Variants in ICE2 observed in about 807,000 individuals in gnomAD.
ICE2 encodes the protein interactor of little elongation complex ELL subunit 2.
ICE2 carries 87 observed loss-of-function variants against 105.4 expected under a neutral mutation model. The observed-to-expected ratio is 0.83, with a 90% CI of 0.69 to 0.99. The LOEUF (loss-of-function observed/expected upper bound fraction) is 0.99, where lower values mean the gene tolerates loss of function less well. Among genes scored for constraint, ICE2 ranks in the 50% least tolerant of loss-of-function variants. The pLI, the probability that ICE2 is intolerant of heterozygous loss-of-function variation, is 0.00. For synonymous variants in ICE2, 399 were observed against 392.0 expected, an observed-to-expected ratio of 1.02 and a Z score of -0.21; for missense variants, 1,323 against 1,146.7, an observed-to-expected ratio of 1.15 and a Z score of -2.22.
intron 9 of ICE2, chr15:60,452,878 G>T: frequency 4.1e-6 from 4 of 985,318 alleles, no homozygotes; most frequent in Non-Finnish European, 4.8e-6. Flanking sequence ...TAACAATCTG[G>T]CAAAATACTT....
chr15:60,452,961 T>C (rs2064000497), intron 9 of ICE2: 1 of 985,286 alleles, frequency 1.0e-6, no homozygotes, highest in East Asian at 1.1e-4. Context: ...TCAGGTGCAG[T>C]GGCTGACGCC....
At chr15:60,433,413 G>T (rs1894127989) in intron 13 of ICE2, among the ~76,000 whole-genome samples, 1 of 151,760 alleles carries the variant, frequency 6.6e-6, no homozygotes, top group South Asian at 2.1e-4. Context: ...AATTTCTTTA[G>T]TAGTTCTTCT....
chr15:60,436,151 T>C lies in ICE2; in HGVS notation c.2502A>G (p.Ser834=). 1 of 1,426,882 alleles carries C rather than the reference T, an allele frequency of 7.0e-7. No homozygotes were observed. The allele number at this position is 1,426,882 out of a possible 1,614,324, so 88.4% of individuals were successfully genotyped here. A position where few individuals can be genotyped will look rare whatever the true frequency, so the allele number is the denominator to read the frequency against. Residue 834 remains serine (S), a synonymous_variant, in exon 13 of 16, where the codon TCA becomes TCG. Coordinates refer to ENST00000261520, the MANE Select transcript of ICE2 (RefSeq NM_024611.6). Reference sequence around the variant, plus strand: ...AAAGTAAACTTTCTTACTTGAGTGCTGAAAGCTTTTCTTTTAATTCTTCTG... The same window carrying C: ...AAAGTAAACTTTCTTACTTGAGTGCCGAAAGCTTTTCTTTTAATTCTTCTG... The part of the protein sequence containing the change: ...ITSEELKEKL[S]ALKISNLFNI...
At chr15:60,473,913 G>A (rs1021247808) in intron 3 of ICE2, among the ~76,000 whole-genome samples, 5 of 151,964 alleles carry the variant, frequency 3.3e-5, no homozygotes, top group African/African-American at 1.2e-4. Flanking sequence ...TTAAAAAATT[G>A]TCTCTTTTTT....
chr15:60,451,328 A>C (rs191450438), intron 9 of ICE2: 1 of 889,634 alleles, frequency 1.1e-6, no homozygotes, highest in Admixed American at 6.2e-5. Flanking sequence ...CATTTCAAAA[A>C]ATGAACTATA....
intron 11 of ICE2, among the ~76,000 whole-genome samples, chr15:60,445,243 G>A (rs2063798115): frequency 6.6e-6 from 1 of 152,084 alleles, no homozygotes; most frequent in South Asian, 2.1e-4. Flanking sequence ...TACTAATGGG[G>A]GATGTAATTT....
At position 60,422,185 on chromosome 15, in the gene ICE2, T is replaced by C. The variant is rs968819356; in HGVS notation, c.*1449A>G. 9 of 151,658 alleles carry C rather than the reference T, an allele frequency of 5.9e-5. No individual in the cohort carries two copies. The highest frequency in any genetic ancestry group is 2.2e-4 in the African/African-American group (9 of 41,264). The allele number at this position is 151,658 out of a possible 1,614,324, so 9.4% of individuals were successfully genotyped here. On this transcript the variant is annotated 3_prime_UTR_variant, in exon 16 of 16. Transcript: ENST00000261520. ...GTCACACTCTGATACTCAAGCTGAG[T>C]TCTGTGGTGCGATCACAACTCACTG...
At position 60,436,241 on chromosome 15, in the gene ICE2, T is replaced by C. The variant is rs2063583859; in HGVS notation, c.2426-14A>G. On this transcript the variant is annotated splice_polypyrimidine_tract_variant and intron_variant, in intron 12 of 15. Transcript: ENST00000261520. ...CATCGATATGCCCTAAAATAAAATA[T>C]CAAACTTAGAAAGAAGAAGCAATTG... The C allele has an allele frequency of 4.6e-6, 5 of 1,096,126 alleles. No individual in the cohort carries two copies. Among genetic ancestry groups the C allele is most frequent in the Non-Finnish European group, 6.4e-6 (5 of 784,032 alleles). 67.9% of individuals were successfully genotyped at this position (1,096,126 alleles called of 1,614,324 possible). A position where few individuals can be genotyped will look rare whatever the true frequency, so the allele number is the denominator to read the frequency against.
chr15:60,459,176 C>A (rs1249138443), intron 5 of ICE2, among the ~76,000 whole-genome samples: 1 of 152,104 alleles, frequency 6.6e-6, no homozygotes, highest in Non-Finnish European at 1.5e-5. Context: ...TTCTCCAGAA[C>A]TAATGGAGGC....
At chr15:60,466,492 C>T in intron 5 of ICE2, 102 bp downstream of exon 5, 1 of 1,353,288 alleles carries the variant, frequency 7.4e-7, no homozygotes. Flanking sequence ...AAATTGGTAA[C>T]ACTGACAGTT....
intron 8 of ICE2, 97 bp downstream of exon 8, chr15:60,454,906 C>A: frequency 9.0e-7 from 1 of 1,110,660 alleles, no homozygotes; most frequent in South Asian, 1.7e-5. Flanking sequence ...CTCTCTGGGT[C>A]CATGTGTTCT....
chr15:60,461,704 T>C (rs1331970439), intron 5 of ICE2, among the ~76,000 whole-genome samples: 1 of 152,178 alleles, frequency 6.6e-6, no homozygotes, highest in Non-Finnish European at 1.5e-5. Context: ...ATATGAGGTA[T>C]TTTTCCTTTA....
intron 12 of ICE2, chr15:60,442,137 C>T: frequency 4.1e-6 from 1 of 245,430 alleles, no homozygotes; most frequent in South Asian, 7.8e-5. Flanking sequence ...CAAGAAAAAA[C>T]AAAAAATTAG....
intron 5 of ICE2, among the ~76,000 whole-genome samples, chr15:60,461,263 A>C (rs1469898819): frequency 2.0e-5 from 3 of 152,326 alleles, no homozygotes; most frequent in Admixed American, 2.0e-4. Context: ...CACTATTTAA[A>C]AAATTTAAAA....
At chr15:60,423,851 A>G (rs2063280627) in intron 15 of ICE2, 89 bp from the exon 16 acceptor site, 1 of 1,169,932 alleles carries the variant, frequency 8.5e-7, no homozygotes, top group African/African-American at 1.6e-5. Context: ...ACATGTATTA[A>G]CCACCTTGCA....
chr15:60,466,649 T>C lies in ICE2; in HGVS notation c.473A>G (p.Lys158Arg), dbSNP rs746935466. The change falls in exon 5 of 16, where the codon AAG becomes AGG. Residue 158 changes from lysine (K) to arginine (R), a missense_variant. By Grantham distance (26) the Lys-to-Arg change is conservative. Coordinates refer to ENST00000261520, the MANE Select transcript of ICE2 (RefSeq NM_024611.6). ...CATATTATAATCCTGCGCACATTTC[T>C]TTGCAGAATTCTGCAAAAACTTTAG... ...EFLKFLQNSA[K>R]KCAQDYNMLS... 26 of 1,611,652 alleles carry C rather than the reference T, an allele frequency of 1.6e-5. No individual in the cohort carries two copies. Among genetic ancestry groups the C allele is most frequent in the African/African-American group, 4.0e-5 (3 of 74,910 alleles).
chr15:60,447,953 C>T lies in ICE2; in HGVS notation c.2295+17G>A, dbSNP rs374646137. On this transcript the variant is annotated intron_variant, in intron 11 of 15. Coordinates refer to ENST00000261520, the MANE Select transcript of ICE2 (RefSeq NM_024611.6). ...TATTTATGTGATCATATTCTAACTC[C>T]GCAAATAACAACTTACTCTTCTGAT... 4.1e-5 allele frequency: 65 copies of T among 1,595,238 alleles called. No homozygotes were observed. Among genetic ancestry groups the T allele is most frequent in the African/African-American group, 1.9e-4 (14 of 74,114 alleles).
intron 9 of ICE2, 160 bp downstream of exon 9, chr15:60,453,443 G>A (rs1044118928): frequency 9.3e-6 from 13 of 1,401,622 alleles, no homozygotes; most frequent in African/African-American, 1.5e-5. Context: ...GGGAGGTTAA[G>A]TTAGTTGCCT....
intron 3 of ICE2, among the ~76,000 whole-genome samples, chr15:60,469,335 T>G (rs986643383): frequency 6.6e-6 from 1 of 152,018 alleles, no homozygotes; most frequent in Non-Finnish European, 1.5e-5. Flanking sequence ...AAATAGCTAA[T>G]GCATGCTGGG....
Sources: allele counts gnomAD v4.1 joint callset (sites outside exome capture counted in the v4.1 genomes callset), GRCh38; gene constraint gnomAD v4.1.1; transcripts MANE v1.5; gene names NCBI Gene and HGNC (gene_info 2026-07-23, HGNC 2026-07-21).